Variants in DYNC2H1 observed in about 807,000 individuals in gnomAD.
DYNC2H1 encodes the protein dynein cytoplasmic 2 heavy chain 1.
A neutral mutation model predicts 570.0 loss-of-function variants in DYNC2H1; 410 were observed. The observed-to-expected ratio is 0.72, with a 90% CI of 0.66 to 0.78. The LOEUF is 0.78. Among genes scored for constraint, DYNC2H1 ranks in the 30% least tolerant of loss-of-function variants. The pLI, the probability that DYNC2H1 is intolerant of heterozygous loss-of-function variation, is 0.00. For synonymous variants in DYNC2H1, 1,688 were observed against 1,677.6 expected (o/e 1.01, Z -0.15); for missense variants, 4,865 against 5,046.4 (o/e 0.96, Z 1.09).
intron 82 of DYNC2H1, among the ~76,000 whole-genome samples, chr11:103,343,547 C>G (rs1179733762): frequency 2.6e-5 from 4 of 152,108 alleles, no homozygotes; most frequent in Non-Finnish European, 5.9e-5. Context: ...CTCAGGCAAG[C>G]AGGCCTAACA....
At chr11:103,110,134 T>C (rs1858040805) in intron 1 of DYNC2H1, among the ~76,000 whole-genome samples, 1 of 152,104 alleles carries the variant, frequency 6.6e-6, no homozygotes, top group African/African-American at 2.4e-5. Context: ...GTTCAAGCGA[T>C]TCTCGTGCCT....
intron 17 of DYNC2H1, among the ~76,000 whole-genome samples, chr11:103,137,629 G>T (rs112303313): frequency 2.0e-5 from 3 of 152,056 alleles, no homozygotes; most frequent in Non-Finnish European, 4.4e-5. Flanking sequence ...GGTTACTGTA[G>T]CCTTGTAGTA....
At chr11:103,351,180 A>C (rs1940034230) in intron 82 of DYNC2H1, among the ~76,000 whole-genome samples, 1 of 152,160 alleles carries the variant, frequency 6.6e-6, no homozygotes, top group South Asian at 2.1e-4. Context: ...TGGAAGGTTC[A>C]AAATGTCCTT....
intron 87 of DYNC2H1, among the ~76,000 whole-genome samples, chr11:103,457,005 C>T (rs990149631): frequency 2.0e-5 from 3 of 152,156 alleles, no homozygotes; most frequent in Admixed American, 2.0e-4. Context: ...CACTGCATAA[C>T]GATGTTTGTC....
In DYNC2H1 at chr11:103,245,882, T is replaced by TA. The variant is rs2135232434; in HGVS notation, c.10042+511dup. 6.6e-6 allele frequency among the ~76,000 whole-genome samples: 1 copy of TA among 152,212 alleles called. No individual in the cohort carries two copies. Among genetic ancestry groups the TA allele is most frequent in the East Asian group, 1.9e-4 (1 of 5,180 alleles). On this transcript the variant is annotated intron_variant, in intron 65 of 88. Transcript: ENST00000375735. This position sits in a 1 kb window ranked among gnomAD's most constrained non-coding sequence, Gnocchi z 4.5. ...GATTAGAAGGCTATGCCTTGAAACT[T>TA]AAAGAGCATATCATGCAAAGTGTAT...
At chr11:103,443,581 C>T (rs1431670251) in intron 85 of DYNC2H1, among the ~76,000 whole-genome samples, 3 of 151,596 alleles carry the variant, frequency 2.0e-5, no homozygotes, top group East Asian at 1.9e-4. Flanking sequence ...ACATAAGACT[C>T]ATAGCTTAGC....
At chr11:103,113,293 G>A (rs1011051888) in intron 1 of DYNC2H1, among the ~76,000 whole-genome samples, 19 of 151,960 alleles carry the variant, frequency 1.3e-4, no homozygotes, top group Non-Finnish European at 2.2e-4. Context: ...AGTCAACAAC[G>A]TATATATTGT....
intron 85 of DYNC2H1, among the ~76,000 whole-genome samples, chr11:103,443,679 T>G (rs1459565988): frequency 2.0e-5 from 3 of 151,724 alleles, no homozygotes; most frequent in African/African-American, 7.3e-5. Flanking sequence ...TTAACCTCCA[T>G]AGATTCAAAA....
chr11:103,219,229 A>G (rs1863495622), intron 55 of DYNC2H1, among the ~76,000 whole-genome samples: 1 of 152,146 alleles, frequency 6.6e-6, no homozygotes, highest in African/African-American at 2.4e-5. Context: ...AAAGAAAAAA[A>G]GGAAAAAAAA....
At chr11:103,173,374 C>A in intron 35 of DYNC2H1, 69 bp downstream of exon 35, 2 of 1,115,324 alleles carry the variant, frequency 1.8e-6, no homozygotes, top group Non-Finnish European at 2.4e-6. Flanking sequence ...TATTAGTGAT[C>A]ATTTTCATAT....
intron 39 of DYNC2H1, among the ~76,000 whole-genome samples, chr11:103,179,612 G>T (rs1195005252): frequency 6.6e-6 from 1 of 151,390 alleles, no homozygotes; most frequent in Non-Finnish European, 1.5e-5. Flanking sequence ...TTTAATTTTA[G>T]AATTTAATTA....
intron 83 of DYNC2H1, among the ~76,000 whole-genome samples, chr11:103,396,218 ACT>A: frequency 6.6e-6 from 1 of 152,200 alleles, no homozygotes; most frequent in East Asian, 1.9e-4. Flanking sequence ...TGTTACCTAG[ACT>A]CTATATCAAT....
At position 103,156,590 on chromosome 11, in the gene DYNC2H1, C is replaced by T. The variant is rs775221397; in HGVS notation, c.3947C>T (p.Pro1316Leu). 1.2e-6 allele frequency: 2 copies of T among 1,613,442 alleles called. No individual in the cohort carries two copies. Among genetic ancestry groups the T allele is most frequent in the South Asian group, 1.1e-5 (1 of 91,050 alleles). Residue 1316 changes from proline (P) to leucine (L), a missense_variant, in exon 26 of 89, where the codon CCT (proline) becomes CTT (leucine). Around this residue, in one of 5 missense-constraint regions of DYNC2H1, gnomAD observed 1,936 missense variants for 1,962.1 expected, o/e 0.99. Coordinates refer to ENST00000375735, the MANE Select transcript of DYNC2H1 (RefSeq NM_001377.3). ...RCLLQSLKDSPYYKGFEDKVS... is the reference protein window; with the variant it reads ...RCLLQSLKDSLYYKGFEDKVS... ...CTTCTCCAATCCTTAAAGGATTCTC[C>T]TTATTATAAAGGATTTGAAGATAAA...
intron 80 of DYNC2H1, 131 bp from the exon 81 acceptor site, chr11:103,320,895 CTAT>C (rs1198845215): frequency 1.4e-6 from 1 of 711,102 alleles, no homozygotes; most frequent in Non-Finnish European, 2.3e-6. Flanking sequence ...ATATTTACTA[CTAT>C]TAATAGTCAT....
intron 83 of DYNC2H1, among the ~76,000 whole-genome samples, chr11:103,375,011 G>C (rs1344529573): frequency 6.6e-6 from 1 of 152,192 alleles, no homozygotes; most frequent in Non-Finnish European, 1.5e-5. Flanking sequence ...GCCTAGGAGA[G>C]AAAAATGGTT....
In DYNC2H1 at chr11:103,172,440, C is replaced by T. The variant is rs1861614390; in HGVS notation, c.5335-642C>T. 2.0e-5 allele frequency among the ~76,000 whole-genome samples: 3 copies of T among 152,018 alleles called. No individual in the cohort carries two copies. The South Asian group carries it at 6.2e-4, about 32-fold the overall frequency. ...AATAACTAAAACATAAACAAACCTT[C>T]CCTGATTTATATTTCTTCTTTCTCT... On this transcript the variant is annotated intron_variant, in intron 34 of 88. Transcript: ENST00000375735.
intron 40 of DYNC2H1, among the ~76,000 whole-genome samples, chr11:103,184,317 G>T (rs1206519842): frequency 6.6e-6 from 1 of 151,916 alleles, no homozygotes; most frequent in Non-Finnish European, 1.5e-5. Context: ...CCTAATGCAT[G>T]ATTGGTTCTC....
intron 43 of DYNC2H1, among the ~76,000 whole-genome samples, 184 bp downstream of exon 43, chr11:103,187,770 T>C (rs576863663): frequency 6.6e-6 from 1 of 152,260 alleles, no homozygotes; most frequent in Non-Finnish European, 1.5e-5. Flanking sequence ...CTTTAGAAGT[T>C]AGTATTACGT....
intron 17 of DYNC2H1, among the ~76,000 whole-genome samples, chr11:103,137,568 T>G (rs2134792404): frequency 6.6e-6 from 1 of 152,338 alleles, no homozygotes; most frequent in East Asian, 1.9e-4. Context: ...AGGGCTCTGT[T>G]CTGTTCCATT....
Sources: gnomAD v4.1 joint callset for allele counts (sites outside exome capture counted in the v4.1 genomes callset) on GRCh38, gnomAD v4.1.1 for gene constraint, gnomAD v4.1.1 regional missense constraint, Gnocchi (gnomAD v3.1) non-coding constraint, MANE v1.5 for transcripts, NCBI Gene and HGNC (gene_info 2026-07-23, HGNC 2026-07-21) for gene names.